The following TMEM223 variants were observed in gnomAD, a reference collection of about 807,000 sequenced individuals.
The protein encoded by TMEM223 is transmembrane protein 223.
TMEM223 carries 14 observed loss-of-function variants against 14.1 expected under a neutral mutation model. That is an observed-to-expected ratio of 0.99 (90% CI 0.66 to 1.55). The LOEUF (loss-of-function observed/expected upper bound fraction) is 1.55. Ranked by LOEUF, TMEM223 falls within the 40% of genes most tolerant of loss-of-function variation. The pLI, the probability that TMEM223 is intolerant of heterozygous loss-of-function variation, is 0.00. For synonymous variants in TMEM223, 145 were observed against 120.5 expected (o/e 1.20, Z -1.33); for missense variants, 346 against 269.9 (o/e 1.28, Z -1.97).
intron 1 of TMEM223, chr11:62,781,869 A>G (rs376643499): frequency 1.1e-5 from 18 of 1,610,390 alleles, no homozygotes; most frequent in African/African-American, 2.7e-5. Context: ...GGTGGATCCA[A>G]TGCAGTCTGG....
At position 62,790,430 on chromosome 11, in the gene TMEM223, CGTTTTTTTTT is replaced by C. The variant is rs902712684; in HGVS notation, c.*183_*192del. On this transcript the variant is annotated 3_prime_UTR_variant, in exon 2 of 2. Transcript: ENST00000307366. Reference sequence around the variant, plus strand: ...GGTTGTTACTCCATTCTAAGATTGGCGTTTTTTTTTGTTTTTTTTTTTGTAAATAGAGACA... The same window carrying C: ...GGTTGTTACTCCATTCTAAGATTGGCGTTTTTTTTTTTGTAAATAGAGACA... 1.5e-5 allele frequency: 9 copies of C among 587,060 alleles called. No homozygotes were observed. Among genetic ancestry groups the C allele is most frequent in the East Asian group, 3.0e-5 (1 of 33,256 alleles). 36.4% of individuals were successfully genotyped at this position (587,060 alleles called of 1,614,324 possible). A position where few individuals can be genotyped will look rare whatever the true frequency, so the allele number is the denominator to read the frequency against.
At chr11:62,788,137 TCA>T (rs1461565314), downstream of TMEM223, among the ~76,000 whole-genome samples, 1 of 152,250 alleles carries the variant, frequency 6.6e-6, no homozygotes, top group Non-Finnish European at 1.5e-5. Flanking sequence ...GCGCGGTGAC[TCA>T]CGCCTGTAAT....
downstream of TMEM223, chr11:62,786,465 T>C: frequency 6.3e-7 from 1 of 1,591,944 alleles, no homozygotes; most frequent in Admixed American, 1.7e-5. Context: ...GAATATTTGA[T>C]GGGCCCAGGT....
intron 1 of TMEM223, chr11:62,778,805 G>T: frequency 7.2e-7 from 1 of 1,384,924 alleles, no homozygotes; most frequent in Non-Finnish European, 1.0e-6. Context: ...GGGGGAGGAG[G>T]CTGGAGAGGC....
At chr11:62,789,496 C>G, downstream of TMEM223, 1 of 1,604,860 alleles carries the variant, frequency 6.2e-7, no homozygotes, top group African/African-American at 1.3e-5. Context: ...CCTATAATTT[C>G]CTTTTATCCC....
intron 2 of TMEM223, chr11:62,774,564 G>A (rs1428647888): frequency 2.2e-6 from 1 of 454,392 alleles, no homozygotes; most frequent in African/African-American, 2.0e-5. Context: ...TCTGAGGTGT[G>A]GATGCATCAC....
At chr11:62,786,564 C>T, downstream of TMEM223, 1 of 1,567,858 alleles carries the variant, frequency 6.4e-7, no homozygotes, top group Non-Finnish European at 8.6e-7. Flanking sequence ...CAGCAGAGCC[C>T]AACAGGGGTG....
chr11:62,787,430 C>A, downstream of TMEM223: 8 of 1,562,878 alleles, frequency 5.1e-6, no homozygotes, highest in Non-Finnish European at 6.9e-6. Flanking sequence ...GGTCAGGGCG[C>A]CATGGCGCTG....
At chr11:62,786,643 T>G (rs775130493), downstream of TMEM223, 1 of 1,603,374 alleles carries the variant, frequency 6.2e-7, no homozygotes, top group African/African-American at 1.3e-5. Context: ...TCAAGAGTCG[T>G]CCTCCGGGGG....
rs572043513 is a variant in TMEM223 at position 62,791,684 on chromosome 11, G to A, written c.311C>T (p.Ala104Val). Residue 104 changes from alanine to valine, a missense_variant, in exon 1 of 2, where the codon GCC becomes GTC. By Grantham distance (64) the Ala-to-Val change is moderately conservative. Transcript: ENST00000307366. The stretch of plus-strand genomic sequence containing the variant: ...GAAGCCAGCCCACGTCTTACCGATG[G>A]CGCCGCAGCCGACGGCCAGACCGTA... ...WRYGLAVGCG[A>V]IGALVLGAGL... is the part of the protein sequence containing the mutation. 48 of 1,532,520 alleles carry A rather than the reference G, an allele frequency of 3.1e-5. No homozygotes were observed. The highest frequency in any genetic ancestry group is 7.9e-5 in the Admixed American group (4 of 50,334). The allele number at this position is 1,532,520 out of a possible 1,614,324, so 94.9% of individuals were successfully genotyped here.
intron 2 of TMEM223, among the ~76,000 whole-genome samples, chr11:62,774,240 C>A (rs1264194806): frequency 6.6e-6 from 1 of 152,042 alleles, no homozygotes; most frequent in Non-Finnish European, 1.5e-5. Context: ...CCAAGCCCAG[C>A]TAATTTTTTG....
rs1167678135 is a variant in TMEM223 at position 62,791,890 on chromosome 11, C to CA, written c.104dup (p.Leu36AlafsTer3). On this transcript the variant is annotated frameshift_variant, in exon 1 of 2. Transcript: ENST00000307366. LOFTEE classifies it high-confidence loss of function. ...AGCGGCCCCGATCATGCTCAAAGAG[C>CA]AGCACATCCCGTTGCAGCGTCGTGC... 3.8e-6 allele frequency: 6 copies of CA among 1,599,406 alleles called. No homozygotes were observed. In the African/African-American group the frequency reaches 6.7e-5, roughly 18 times the overall value.
intron 2 of TMEM223, among the ~76,000 whole-genome samples, chr11:62,774,323 G>T (rs904083846): frequency 6.6e-6 from 1 of 152,124 alleles, no homozygotes; most frequent in South Asian, 2.1e-4. Flanking sequence ...TGATCCGCCT[G>T]CCTCGGCCTC....
At chr11:62,784,322 T>G (rs2084253883), downstream of TMEM223, among the ~76,000 whole-genome samples, 2 of 141,166 alleles carry the variant, frequency 1.4e-5, no homozygotes, top group Admixed American at 1.4e-4. Context: ...TTTTTTTTTT[T>G]GAGACGGAGT....
At chr11:62,774,402 A>G (rs1023703572) in intron 2 of TMEM223, among the ~76,000 whole-genome samples, 5 of 152,182 alleles carry the variant, frequency 3.3e-5, no homozygotes, top group Admixed American at 1.3e-4. Context: ...TTCAAAGACA[A>G]TGGGGAGCCA....
intron 1 of TMEM223, chr11:62,778,733 C>A: frequency 1.3e-6 from 1 of 764,202 alleles, no homozygotes; most frequent in Non-Finnish European, 2.3e-6. Context: ...TAAGAGCAGT[C>A]TCTTGCCCTG....
At chr11:62,782,528 T>G, downstream of TMEM223, 1 of 1,114,018 alleles carries the variant, frequency 9.0e-7, no homozygotes, top group Non-Finnish European at 1.3e-6. Flanking sequence ...AGGTATTGGT[T>G]CTTCAGCCCT....
In TMEM223 at chr11:62,790,395, G is replaced by A. The variant is rs1291663184; in HGVS notation, c.*228C>T. On this transcript the variant is annotated 3_prime_UTR_variant, in exon 2 of 2. Coordinates refer to ENST00000307366, the MANE Select transcript of TMEM223 (RefSeq NM_001080501.3). ...GTTGTTAATGAATCTTGACCTCCTTGTGTGACCCTGGTTGTTACTCCATTC... is the reference window on the plus strand; with the variant it reads ...GTTGTTAATGAATCTTGACCTCCTTATGTGACCCTGGTTGTTACTCCATTC... 1.8e-6 allele frequency: 1 copy of A among 566,930 alleles called. No homozygotes were observed. Among genetic ancestry groups the A allele is most frequent in the Non-Finnish European group, 3.1e-6 (1 of 326,058 alleles). 35.1% of individuals were successfully genotyped at this position (566,930 alleles called of 1,614,324 possible). A position where few individuals can be genotyped will look rare whatever the true frequency, so the allele number is the denominator to read the frequency against.
rs753331427 is a variant in TMEM223 at position 62,789,992 on chromosome 11, C to T, written c.*631G>A. The stretch of plus-strand genomic sequence containing the variant: ...TACCGGCCTCTGGAGAGGGGTGACC[C>T]TGAGTGGAGCTCTGAGACAGATGCT... On this transcript the variant is annotated 3_prime_UTR_variant, in exon 2 of 2. Coordinates refer to ENST00000307366, the MANE Select transcript of TMEM223 (RefSeq NM_001080501.3). The T allele has an allele frequency of 5.9e-5, 96 of 1,614,006 alleles. No homozygotes were observed. Among genetic ancestry groups the T allele is most frequent in the Non-Finnish European group, 7.9e-5 (93 of 1,180,010 alleles).
Sources: gnomAD v4.1 joint callset for allele counts (sites outside exome capture counted in the v4.1 genomes callset) on GRCh38, gnomAD v4.1.1 for gene constraint, MANE v1.5 for transcripts, NCBI Gene and HGNC (gene_info 2026-07-23, HGNC 2026-07-21) for gene names.